Variants in TYR observed in about 807,000 individuals in gnomAD.
TYR encodes the protein LB24-AB.
TYR carries 58 observed loss-of-function variants against 51.5 expected under a neutral mutation model. The ratio of observed to expected loss-of-function variants is 1.13; its 90% CI spans 0.91 to 1.40. The LOEUF is 1.40. Among genes scored for constraint, TYR ranks in the 40% most tolerant of loss-of-function variants. TYR has a pLI of 0.00. For synonymous variants in TYR, 263 were observed against 235.2 expected (o/e 1.12, Z -1.08); for missense variants, 732 against 647.4 (o/e 1.13, Z -1.42).
intron 2 of TYR, among the ~76,000 whole-genome samples, chr11:89,206,673 A>G (rs76859215): frequency 1.5e-5 from 2 of 136,142 alleles, no homozygotes; most frequent in African/African-American, 3.0e-5. Flanking sequence ...ACAACAACAA[A>G]AAATATTTAT....
intron 1 of TYR, among the ~76,000 whole-genome samples, chr11:89,185,272 C>T (rs1440677636): frequency 6.6e-6 from 1 of 151,884 alleles, no homozygotes; most frequent in African/African-American, 2.4e-5. Context: ...GAGATATCTC[C>T]CTTATGGCCT....
chr11:89,286,669 A>G (rs1944791368), intron 4 of TYR, among the ~76,000 whole-genome samples: 1 of 151,756 alleles, frequency 6.6e-6, no homozygotes, highest in South Asian at 2.1e-4. Context: ...GGTTTAATTG[A>G]ACTTTTCTGC....
At chr11:89,207,605 T>G (rs1166253409) in intron 2 of TYR, among the ~76,000 whole-genome samples, 1 of 152,170 alleles carries the variant, frequency 6.6e-6, no homozygotes, top group Non-Finnish European at 1.5e-5. Context: ...TCTGAGTCAT[T>G]TTATAAATCC....
intron 3 of TYR, among the ~76,000 whole-genome samples, chr11:89,263,663 A>G (rs1944489031): frequency 6.6e-6 from 1 of 152,098 alleles, no homozygotes; most frequent in South Asian, 2.1e-4. Context: ...TACAAAATCA[A>G]TATATAAAAA....
intron 1 of TYR, among the ~76,000 whole-genome samples, chr11:89,181,299 A>G (rs956163677): frequency 6.6e-6 from 1 of 152,186 alleles, no homozygotes; most frequent in Non-Finnish European, 1.5e-5. Flanking sequence ...TGCAGGCCTG[A>G]GCCATCAAGC....
intron 3 of TYR, among the ~76,000 whole-genome samples, chr11:89,235,683 G>A (rs775910987): frequency 1.3e-5 from 2 of 152,098 alleles, no homozygotes; most frequent in South Asian, 4.1e-4. Flanking sequence ...GAGTGGAAGG[G>A]GATGAATAGG....
intron 3 of TYR, among the ~76,000 whole-genome samples, chr11:89,244,174 A>G (rs777511957): frequency 3.9e-5 from 6 of 152,296 alleles, no homozygotes; most frequent in Admixed American, 6.5e-5. Context: ...GGGATATTTT[A>G]TCATTTGCCT....
chr11:89,211,854 A>G (rs540431157), intron 2 of TYR, among the ~76,000 whole-genome samples: 2 of 152,338 alleles, frequency 1.3e-5, no homozygotes, highest in South Asian at 4.1e-4. Context: ...ACTGCTGGGT[A>G]AATAACAAAA....
At chr11:89,236,134 C>T (rs1387072115) in intron 3 of TYR, among the ~76,000 whole-genome samples, 2 of 151,896 alleles carry the variant, frequency 1.3e-5, no homozygotes, top group Non-Finnish European at 2.9e-5. Context: ...ACCAAGACCA[C>T]GTTGTTTGCA....
intron 3 of TYR, among the ~76,000 whole-genome samples, chr11:89,258,101 T>C (rs1944415945): frequency 6.6e-6 from 1 of 152,064 alleles, no homozygotes; most frequent in Admixed American, 6.6e-5. Flanking sequence ...TTTAAATTCA[T>C]GTTGAAGGTG....
chr11:89,183,799 C>T (rs1256958339), intron 1 of TYR, among the ~76,000 whole-genome samples: 2 of 152,016 alleles, frequency 1.3e-5, no homozygotes, highest in African/African-American at 4.8e-5. Context: ...GTGTTATACA[C>T]CCAAAGTTAA....
At chr11:89,205,990 T>A (rs1228266942) in intron 2 of TYR, among the ~76,000 whole-genome samples, 1 of 152,028 alleles carries the variant, frequency 6.6e-6, no homozygotes, top group African/African-American at 2.4e-5. Flanking sequence ...AATGTAATAC[T>A]TAGATAAATC....
At chr11:89,218,524 G>A (rs1443359206) in intron 2 of TYR, among the ~76,000 whole-genome samples, 1 of 152,026 alleles carries the variant, frequency 6.6e-6, no homozygotes, top group Non-Finnish European at 1.5e-5. Flanking sequence ...ATATCACCAA[G>A]AATGAGCTGG....
In TYR at chr11:89,181,100, C is replaced by T. The variant is rs146569760; in HGVS notation, c.819+2328C>T. On this transcript the variant is annotated intron_variant, in intron 1 of 4. Coordinates refer to ENST00000263321, the MANE Select transcript of TYR (RefSeq NM_000372.5). ...TGCAATCTCCATACGCTGCAACTTC[C>T]GCCTCCCAGGTTCAAGTGATTCTTC... Among the ~76,000 whole-genome samples the T allele has an allele frequency of 2.7e-3, 412 of 152,078 alleles. 1 individual carries two copies. Among genetic ancestry groups the T allele is most frequent in the African/African-American group, 9.2e-3 (382 of 41,500 alleles).
chr11:89,201,060 T>C (rs1023056102), intron 2 of TYR, among the ~76,000 whole-genome samples: 1 of 152,150 alleles, frequency 6.6e-6, no homozygotes, highest in Non-Finnish European at 1.5e-5. Context: ...TTCCAAATGT[T>C]AAAATATCTC....
At chr11:89,250,088 G>T (rs1027897134) in intron 3 of TYR, among the ~76,000 whole-genome samples, 1 of 151,994 alleles carries the variant, frequency 6.6e-6, no homozygotes, top group Non-Finnish European at 1.5e-5. Flanking sequence ...GAAAGGAAGA[G>T]TTTGTGTAAG....
intron 2 of TYR, among the ~76,000 whole-genome samples, chr11:89,214,537 C>A (rs556685804): frequency 1.3e-5 from 2 of 152,226 alleles, no homozygotes; most frequent in African/African-American, 4.8e-5. Context: ...ACTGGGTATA[C>A]CCAAAGGATT....
intron 1 of TYR, among the ~76,000 whole-genome samples, chr11:89,184,077 A>C (rs1591137894): frequency 6.6e-6 from 1 of 152,252 alleles, no homozygotes; most frequent in East Asian, 1.9e-4. Context: ...CATAAGCACA[A>C]TGCTAATATA....
chr11:89,212,606 A>G (rs532439971), intron 2 of TYR, among the ~76,000 whole-genome samples: 1 of 152,368 alleles, frequency 6.6e-6, no homozygotes, highest in Non-Finnish European at 1.5e-5. Context: ...CATCATCCTC[A>G]TACCAAAGCC....
Sources: allele counts gnomAD v4.1 joint callset (sites outside exome capture counted in the v4.1 genomes callset), GRCh38; gene constraint gnomAD v4.1.1; transcripts MANE v1.5; gene names NCBI Gene and HGNC (gene_info 2026-07-23, HGNC 2026-07-21).